The following ANK3 variants were observed in gnomAD, a reference collection of about 807,000 sequenced individuals.
The protein encoded by ANK3 is ankyrin-3.
A neutral mutation model predicts 370.9 loss-of-function variants in ANK3; 57 were observed. That is an observed-to-expected ratio of 0.15 (90% CI 0.12 to 0.19). ANK3 has a LOEUF of 0.19. Among genes scored for constraint, ANK3 ranks in the 10% least tolerant of loss-of-function variants. The pLI is 1.00. For missense variants in ANK3, 4,439 were observed against 5,302.1 expected, an observed-to-expected ratio of 0.84 and a Z score of 5.06; for synonymous variants, 1,929 against 1,946.3, an observed-to-expected ratio of 0.99 and a Z score of 0.23.
intron 2 of ANK3, among the ~76,000 whole-genome samples, chr10:60,417,562 T>C (rs933123135): frequency 6.6e-6 from 1 of 152,106 alleles, no homozygotes; most frequent in Non-Finnish European, 1.5e-5. Context: ...GAACAATGGA[T>C]GAAGAAAAAG....
chr10:60,082,945 T>G (rs2085652002), intron 33 of ANK3, among the ~76,000 whole-genome samples: 1 of 152,182 alleles, frequency 6.6e-6, no homozygotes, highest in Admixed American at 6.5e-5. Context: ...AACGCAGGAT[T>G]GTTGTGTCTG....
At chr10:60,678,374 CA>C (rs1296348307) in intron 1 of ANK3, among the ~76,000 whole-genome samples, 1 of 151,954 alleles carries the variant, frequency 6.6e-6, no homozygotes, top group Non-Finnish European at 1.5e-5. Context: ...GGCAAGGTTT[CA>C]AAACATTGGG....
At position 60,171,660 on chromosome 10, in the gene ANK3, C is replaced by T. The variant is rs139384072; in HGVS notation, c.2478+648G>A. On this transcript the variant is annotated intron_variant, in intron 21 of 43. Transcript: ENST00000280772. Reference sequence around the variant, plus strand: ...CAAATGTTAATGCTGTTCAAAGGTACCAGATGGGGTTGGAAAGAAATGACT... The same window carrying T: ...CAAATGTTAATGCTGTTCAAAGGTATCAGATGGGGTTGGAAAGAAATGACT... 1.0e-2 allele frequency among the ~76,000 whole-genome samples: 1,516 copies of T among 152,200 alleles called. 25 individuals carry two copies. The highest frequency in any genetic ancestry group is 0.035 in the African/African-American group (1,455 of 41,510).
At chr10:60,085,678 C>T (rs1199617630) in intron 30 of ANK3, among the ~76,000 whole-genome samples, 11 of 139,746 alleles carry the variant, frequency 7.9e-5, no homozygotes, top group Non-Finnish European at 1.3e-4. Flanking sequence ...TGCAATGGTG[C>T]GATCTCGGCT....
At chr10:60,238,529 C>G (rs1400177238) in intron 7 of ANK3, among the ~76,000 whole-genome samples, 1 of 151,978 alleles carries the variant, frequency 6.6e-6, no homozygotes, top group African/African-American at 2.4e-5. Flanking sequence ...CATGAAAGAC[C>G]CCCAACCCCT....
intron 1 of ANK3, among the ~76,000 whole-genome samples, chr10:60,350,436 T>C (rs1229933641): frequency 6.6e-6 from 1 of 152,172 alleles, no homozygotes; most frequent in Non-Finnish European, 1.5e-5. Flanking sequence ...GTCTTCTAAC[T>C]CTTGTGATGT....
At position 60,055,765 on chromosome 10, in the gene ANK3, G is replaced by T; in HGVS notation, c.12958C>A (p.Pro4320Thr). The change falls in exon 42 of 44, where the codon CCC becomes ACC. Residue 4320 changes from proline (P) to threonine (T), a missense_variant. Pro to Thr is a conservative substitution (Grantham distance 38). Transcript: ENST00000280772. ...TSKLIIEETK[P>T]CVPVSMKKMS... ...TTTTTCATACTGACAGGCACACAGG[G>T]TTTAGTCTCTTCTATTATAAGCTTG... is the stretch of plus-strand genomic sequence containing the variant. The T allele has an allele frequency of 6.2e-7, 1 of 1,614,180 alleles. No homozygotes were observed. The highest frequency in any genetic ancestry group is 8.5e-7 in the Non-Finnish European group (1 of 1,180,016).
At chr10:60,397,462 A>G (rs1241987741) in intron 2 of ANK3, among the ~76,000 whole-genome samples, 1 of 152,176 alleles carries the variant, frequency 6.6e-6, no homozygotes, top group Admixed American at 6.5e-5. Flanking sequence ...CTATCTTACT[A>G]GTGTGTTTCA....
intron 2 of ANK3, among the ~76,000 whole-genome samples, chr10:60,496,733 G>GAAAA (rs33910846): frequency 1.6e-5 from 2 of 125,580 alleles, no homozygotes; most frequent in African/African-American, 3.0e-5. Flanking sequence ...TTTTGAGACC[G>GAAAA]AAAAAAAAAA....
Position 60,083,545 on chromosome 10 carries a change from G to A in ANK3, c.4147C>T (p.Leu1383Phe). The change falls in exon 33 of 44, where the codon CTT (leucine) becomes TTT (phenylalanine). Residue 1383 changes from leucine (L) to phenylalanine (F), a missense_variant. Coordinates refer to ENST00000280772, the MANE Select transcript of ANK3 (RefSeq NM_020987.5). ...LAPLTKGGQQLVFNFYSFKEN... is the reference protein window; with the variant it reads ...LAPLTKGGQQFVFNFYSFKEN... ...TTGAAAGAATAAAAGTTAAAAACAA[G>A]TTGCTGTCCTCCTTTGGTAAGTGGG... is the stretch of plus-strand genomic sequence containing the variant. 1 of 1,611,710 alleles carries A rather than the reference G, an allele frequency of 6.2e-7. No homozygotes were observed. The highest frequency in any genetic ancestry group is 8.5e-7 in the Non-Finnish European group (1 of 1,178,874).
At position 60,518,908 on chromosome 10, in the gene ANK3, G is replaced by A. The variant is rs930060577; in HGVS notation, c.96+96278C>T. Among the ~76,000 whole-genome samples the A allele has an allele frequency of 8.5e-5, 13 of 152,102 alleles. No homozygotes were observed. The East Asian group carries it at 9.7e-4, about 11-fold the overall frequency. ...CTGATAAAAAGAACCCAGCCATGGC[G>A]TTGCTGGGAAGCACTGGGAGGCGTC... On this transcript the variant is annotated intron_variant, in intron 2 of 43. Transcript: ENST00000373827.
Position 60,615,185 on chromosome 10 carries a change from CCTTTCTAGAG to C in ANK3, c.87_96del (p.Ser30LeufsTer8). 6.6e-7 allele frequency: 1 copy of C among 1,507,162 alleles called. No homozygotes were observed. The highest frequency in any genetic ancestry group is 1.3e-5 in the South Asian group (1 of 78,030). 93.4% of individuals were successfully genotyped at this position (1,507,162 alleles called of 1,614,324 possible). A position where few individuals can be genotyped will look rare whatever the true frequency, so the allele number is the denominator to read the frequency against. ...TTGAGTTTAGTGATAATTTTCATTA[CCTTTCTAGAG>C]CTTCGTGAATAATCTGATCCAAAGC... On this transcript the variant is annotated frameshift_variant and splice_region_variant, in exon 2 of 44. Coordinates refer to the ANK3 transcript ENST00000373827. LOFTEE classifies it high-confidence loss of function.
intron 23 of ANK3, among the ~76,000 whole-genome samples, chr10:60,154,137 T>C (rs2095250095): frequency 1.3e-5 from 2 of 152,322 alleles, no homozygotes; most frequent in African/African-American, 4.8e-5. Context: ...AAAGGCCAAT[T>C]GTAAGCAGAG....
chr10:60,654,533 C>A (rs2078836431), intron 1 of ANK3, among the ~76,000 whole-genome samples: 1 of 152,006 alleles, frequency 6.6e-6, no homozygotes, highest in Non-Finnish European at 1.5e-5. Context: ...ATACTATTTT[C>A]TTCATTTATT....
At chr10:60,214,772 T>C (rs2096910012) in intron 8 of ANK3, among the ~76,000 whole-genome samples, 1 of 152,192 alleles carries the variant, frequency 6.6e-6, no homozygotes, top group Admixed American at 6.5e-5. Context: ...TGATGGGCAT[T>C]TGGGTTGGTT....
At chr10:60,704,875 A>C (rs1250827735) in intron 1 of ANK3, among the ~76,000 whole-genome samples, 1 of 152,192 alleles carries the variant, frequency 6.6e-6, no homozygotes, top group Non-Finnish European at 1.5e-5. Context: ...TCGTGTTTTA[A>C]AGTTAGAACT....
intron 1 of ANK3, among the ~76,000 whole-genome samples, chr10:60,353,158 G>GTTTT (rs1198062363): frequency 7.9e-6 from 1 of 126,098 alleles, no homozygotes; most frequent in Admixed American, 8.2e-5. Flanking sequence ...TTTTTGTTTT[G>GTTTT]TTTTTTTTTT....
At chr10:60,216,974 A>C (rs2096948983) in intron 8 of ANK3, among the ~76,000 whole-genome samples, 1 of 151,988 alleles carries the variant, frequency 6.6e-6, no homozygotes, top group South Asian at 2.1e-4. Flanking sequence ...GGGATTCAAT[A>C]TCTTCCTGGT....
At chr10:60,316,854 T>A (rs1207815440) in intron 1 of ANK3, among the ~76,000 whole-genome samples, 1 of 151,744 alleles carries the variant, frequency 6.6e-6, no homozygotes, top group Non-Finnish European at 1.5e-5. Context: ...TTCACGCCAT[T>A]CTCCTGCCTC....
Sources: gnomAD v4.1 joint callset for allele counts (sites outside exome capture counted in the v4.1 genomes callset) on GRCh38, gnomAD v4.1.1 for gene constraint, MANE v1.5 for transcripts, NCBI Gene and HGNC (gene_info 2026-07-23, HGNC 2026-07-21) for gene names.